The following EGFLAM variants were observed in gnomAD, a reference collection of about 807,000 sequenced individuals.
The protein encoded by EGFLAM is EGF like, fibronectin type III and laminin G domains.
Under a neutral mutation model 113.1 loss-of-function variants are expected in EGFLAM, and 79 were observed. The observed-to-expected ratio is 0.70, with a 90% CI of 0.58 to 0.84. The LOEUF (loss-of-function observed/expected upper bound fraction) is 0.84. Ranked by LOEUF, EGFLAM falls within the 40% of genes least tolerant of loss-of-function variation. The pLI, the probability that EGFLAM is intolerant of heterozygous loss-of-function variation, is 0.00. For missense variants in EGFLAM, 1,265 were observed against 1,291.6 expected, an observed-to-expected ratio of 0.98 and a Z score of 0.32; for synonymous variants, 504 against 487.6, an observed-to-expected ratio of 1.03 and a Z score of -0.44.
chr5:38,267,574 CT>C (rs138716496), intron 1 of EGFLAM, among the ~76,000 whole-genome samples: 1,696 of 152,270 alleles, frequency 0.011, 34 homozygotes, highest in African/African-American at 0.039. Flanking sequence ...TTTTTAAGTA[CT>C]TCAATATAAA....
chr5:38,381,312 AGTT>A (rs1021473375), intron 6 of EGFLAM, among the ~76,000 whole-genome samples: 5 of 152,172 alleles, frequency 3.3e-5, no homozygotes, highest in African/African-American at 9.7e-5. Flanking sequence ...GTAGGGCCAC[AGTT>A]GTTGTTCAGC....
At chr5:38,332,031 G>T (rs2111928300) in intron 1 of EGFLAM, among the ~76,000 whole-genome samples, 1 of 152,290 alleles carries the variant, frequency 6.6e-6, no homozygotes, top group East Asian at 1.9e-4. Context: ...GTACCATTTT[G>T]CATTCCCACC....
At chr5:38,335,969 A>G (rs1739171074) in intron 1 of EGFLAM, among the ~76,000 whole-genome samples, 1 of 152,210 alleles carries the variant, frequency 6.6e-6, no homozygotes, top group Admixed American at 6.5e-5. Context: ...CACTTAAGGA[A>G]TGTTTATTGT....
intron 6 of EGFLAM, among the ~76,000 whole-genome samples, chr5:38,372,225 C>G (rs1214860015): frequency 1.3e-5 from 2 of 151,996 alleles, no homozygotes; most frequent in East Asian, 3.9e-4. Flanking sequence ...TCACTGCAAC[C>G]TCCGCCTCCC....
At chr5:38,336,430 C>T (rs1409148760) in intron 1 of EGFLAM, among the ~76,000 whole-genome samples, 3 of 152,014 alleles carry the variant, frequency 2.0e-5, no homozygotes, top group African/African-American at 7.3e-5. Flanking sequence ...AAAGATTAGC[C>T]GGGCATGGTG....
intron 1 of EGFLAM, among the ~76,000 whole-genome samples, chr5:38,283,569 T>G (rs932291370): frequency 2.6e-5 from 4 of 152,162 alleles, no homozygotes; most frequent in African/African-American, 9.7e-5. Flanking sequence ...TAGAAGGGAC[T>G]TTGGGGCTAA....
chr5:38,376,057 AT>A (rs368458929), intron 6 of EGFLAM, among the ~76,000 whole-genome samples: 1,676 of 149,632 alleles, frequency 0.011, 35 homozygotes, highest in African/African-American at 0.039. Flanking sequence ...ATCCTGCTGT[AT>A]TTTTTTTTTC....
chr5:38,293,828 C>T (rs964411903), intron 1 of EGFLAM, among the ~76,000 whole-genome samples: 1 of 152,106 alleles, frequency 6.6e-6, no homozygotes, highest in African/African-American at 2.4e-5. Context: ...CCTTTAAACA[C>T]CAAAATCTCA....
At chr5:38,314,299 C>T (rs1342200435) in intron 1 of EGFLAM, among the ~76,000 whole-genome samples, 2 of 152,148 alleles carry the variant, frequency 1.3e-5, no homozygotes, top group Middle Eastern at 3.2e-3. Flanking sequence ...AGTTTTTATA[C>T]ATTCCAAGGC....
chr5:38,340,318 A>T (rs771044089), intron 3 of EGFLAM, among the ~76,000 whole-genome samples: 8 of 152,142 alleles, frequency 5.3e-5, no homozygotes, highest in Non-Finnish European at 1.0e-4. Flanking sequence ...TGTAATAATT[A>T]TTCTCTTGTG....
chr5:38,440,166 C>G (rs538305127), intron 17 of EGFLAM, among the ~76,000 whole-genome samples: 15 of 152,202 alleles, frequency 9.9e-5, no homozygotes, highest in Non-Finnish European at 1.6e-4. Context: ...GCAGAGGGAA[C>G]TGCAGGACAT....
rs1234719523 is a variant in EGFLAM, at chr5:38,448,229, C to G, written c.2465-72C>G. 4 of 1,504,566 alleles carry G rather than the reference C, an allele frequency of 2.7e-6. No individual in the cohort carries two copies. In the African/African-American group the frequency reaches 4.1e-5, roughly 16 times the overall value. 93.2% of individuals were successfully genotyped at this position (1,504,566 alleles called of 1,614,324 possible). A position where few individuals can be genotyped will look rare whatever the true frequency, so the allele number is the denominator to read the frequency against. The stretch of plus-strand genomic sequence containing the variant: ...CTATTTCCAGGAGCTGGGTGTTTTC[C>G]TGCCATGTGTGTGAGTGCAGGGGTC... On this transcript the variant is annotated intron_variant, in intron 17 of 21. Transcript: ENST00000322350.
chr5:38,358,184 G>T (rs1035943269), intron 5 of EGFLAM, among the ~76,000 whole-genome samples: 7 of 151,568 alleles, frequency 4.6e-5, no homozygotes, highest in African/African-American at 9.7e-5. Context: ...GGTGGCTCAT[G>T]CCTGTAATCC....
At chr5:38,307,171 G>A (rs964702954) in intron 1 of EGFLAM, among the ~76,000 whole-genome samples, 3 of 152,192 alleles carry the variant, frequency 2.0e-5, no homozygotes, top group African/African-American at 7.2e-5. Context: ...ATTATTTTAA[G>A]CCATTAAGTT....
chr5:38,411,623 C>G (rs984062589), intron 10 of EGFLAM, among the ~76,000 whole-genome samples: 1 of 146,188 alleles, frequency 6.8e-6, no homozygotes, highest in African/African-American at 2.5e-5. Flanking sequence ...GCTAGGATTA[C>G]AAGCATCTGC....
chr5:38,406,984 C>T lies in EGFLAM; in HGVS notation c.985C>T (p.Gln329Ter). Residue 329 changes from glutamine (Q) to a stop codon, truncating the protein, a stop_gained, in exon 8 of 22, where the codon CAG becomes TAG. Coordinates refer to ENST00000322350, the MANE Select transcript of EGFLAM (RefSeq NM_152403.4). LOFTEE classifies it high-confidence loss of function. ...GGTGGCTCCCCAGCCCATTCCCATA[C>T]AGAGAAAGGGGAAGAATGGTGTGGC... ...TTVAPQPIPI[Q>*]RKGKNGVAIM... The T allele has an allele frequency of 2.5e-6, 4 of 1,614,188 alleles. No homozygotes were observed. Among genetic ancestry groups the T allele is most frequent in the East Asian group, 4.5e-5 (2 of 44,870 alleles).
At chr5:38,345,634 TC>T (rs1739455352) in intron 3 of EGFLAM, 1 of 152,200 alleles carries the variant, frequency 6.6e-6, no homozygotes, top group Non-Finnish European at 1.5e-5. Context: ...CACTCTGGCC[TC>T]TACTCCAAGA....
intron 5 of EGFLAM, among the ~76,000 whole-genome samples, chr5:38,360,582 T>A (rs1739893426): frequency 6.6e-6 from 1 of 152,174 alleles, no homozygotes. Flanking sequence ...AGCTGTGTGA[T>A]CTTTGGTGGG....
intron 1 of EGFLAM, among the ~76,000 whole-genome samples, chr5:38,321,821 G>C (rs1015976730): frequency 2.0e-5 from 3 of 152,174 alleles, no homozygotes; most frequent in African/African-American, 7.2e-5. Flanking sequence ...ACCTACCCCT[G>C]ACACTGGTGC....
Sources: gnomAD v4.1 joint callset for allele counts (sites outside exome capture counted in the v4.1 genomes callset) on GRCh38, gnomAD v4.1.1 for gene constraint, MANE v1.5 for transcripts, NCBI Gene and HGNC (gene_info 2026-07-23, HGNC 2026-07-21) for gene names.